SGCZ: variants seen among roughly 807,000 people sequenced by gnomAD.
SGCZ encodes sarcoglycan zeta.
Under a neutral mutation model 41.3 loss-of-function variants are expected in SGCZ, and 40 were observed. That is an observed-to-expected ratio of 0.97 (90% confidence interval 0.75 to 1.26). The LOEUF (loss-of-function observed/expected upper bound fraction) is 1.26. Ranked by LOEUF, SGCZ falls within the 50% of genes most tolerant of loss-of-function variation. The pLI is 0.00. For missense variants in SGCZ, 552 were observed against 369.8 expected (o/e 1.49, Z -4.04); for synonymous variants, 206 against 137.5 (o/e 1.50, Z -3.49).
At chr8:15,231,677 A>AGTG (rs2117208534) in intron 1 of SGCZ, among the ~76,000 whole-genome samples, 1 of 126,758 alleles carries the variant, frequency 7.9e-6, no homozygotes, top group Non-Finnish European at 1.5e-5. Context: ...GCTGGAGTCC[A>AGTG]GTGGCAAGAT....
intron 5 of SGCZ, among the ~76,000 whole-genome samples, chr8:14,150,827 G>C (rs1803683080): frequency 6.6e-6 from 1 of 152,086 alleles, no homozygotes; most frequent in Non-Finnish European, 1.5e-5. Context: ...ATACATAATG[G>C]AGTACTGTTT....
intron 2 of SGCZ, among the ~76,000 whole-genome samples, chr8:14,330,877 C>A (rs994561896): frequency 6.6e-6 from 1 of 151,798 alleles, no homozygotes; most frequent in Non-Finnish European, 1.5e-5. Context: ...TGATTTATCA[C>A]TAAAAAAGCT....
At chr8:14,663,907 G>C (rs1304700325) in intron 1 of SGCZ, among the ~76,000 whole-genome samples, 1 of 152,160 alleles carries the variant, frequency 6.6e-6, no homozygotes, top group Non-Finnish European at 1.5e-5. Context: ...CTTTCAGTGA[G>C]AGGAGGGAAG....
chr8:14,648,256 G>A (rs1466646036), intron 1 of SGCZ, among the ~76,000 whole-genome samples: 4 of 152,028 alleles, frequency 2.6e-5, no homozygotes, highest in Admixed American at 1.3e-4. Flanking sequence ...CGGTAACCAA[G>A]GTATCTCTGT....
At chr8:14,226,790 G>T (rs1286403894) in intron 4 of SGCZ, among the ~76,000 whole-genome samples, 3 of 152,084 alleles carry the variant, frequency 2.0e-5, no homozygotes. Flanking sequence ...TGTGTTTTTA[G>T]AAAGGTGTAA....
chr8:14,249,178 G>C (rs1799202777), intron 3 of SGCZ, among the ~76,000 whole-genome samples: 3 of 152,110 alleles, frequency 2.0e-5, no homozygotes, highest in Admixed American at 2.0e-4. Flanking sequence ...AGAATAACAA[G>C]GCAGAATACA....
intron 1 of SGCZ, among the ~76,000 whole-genome samples, chr8:15,012,581 A>ATG (rs1256371318): frequency 1.9e-5 from 2 of 107,582 alleles, no homozygotes; most frequent in Non-Finnish European, 4.3e-5. Flanking sequence ...ATATATTTAT[A>ATG]TAACATATAA....
chr8:14,847,934 G>C (rs1803191141), intron 1 of SGCZ, among the ~76,000 whole-genome samples: 1 of 151,894 alleles, frequency 6.6e-6, no homozygotes, highest in Non-Finnish European at 1.5e-5. Flanking sequence ...AAGGCATCCA[G>C]ATTGGAAAAC....
At chr8:15,063,565 T>G (rs1177971330) in intron 1 of SGCZ, among the ~76,000 whole-genome samples, 4 of 152,188 alleles carry the variant, frequency 2.6e-5, no homozygotes, top group Non-Finnish European at 5.9e-5. Context: ...AAAATCTCTT[T>G]CAAAGTGCAG....
rs564171758 is a variant in SGCZ at position 14,802,568 on chromosome 8, A to C, written c.40-247642T>G. ...TCATTTGCTGCCGCCTTTTTTATGA[A>C]TAAGATGGTCTGCATTTTACACACA... On this transcript the variant is annotated intron_variant, in intron 1 of 7. Coordinates refer to ENST00000382080, the MANE Select transcript of SGCZ (RefSeq NM_139167.4). 2.3e-3 allele frequency among the ~76,000 whole-genome samples: 351 copies of C among 152,322 alleles called. 3 individuals are homozygous for C. Among genetic ancestry groups the C allele is most frequent in the African/African-American group, 8.3e-3 (343 of 41,568 alleles).
chr8:15,036,938 A>G (rs1803895741), intron 1 of SGCZ, among the ~76,000 whole-genome samples: 1 of 152,210 alleles, frequency 6.6e-6, no homozygotes, highest in African/African-American at 2.4e-5. Context: ...ATGGAATAAT[A>G]TACGAAAATC....
intron 1 of SGCZ, among the ~76,000 whole-genome samples, chr8:14,826,278 G>C (rs972001217): frequency 6.6e-6 from 1 of 151,936 alleles, no homozygotes; most frequent in Non-Finnish European, 1.5e-5. Context: ...ATTTTTTATG[G>C]CTACATAGTA....
chr8:14,930,418 G>C (rs1181386818), intron 1 of SGCZ, among the ~76,000 whole-genome samples: 1 of 152,078 alleles, frequency 6.6e-6, no homozygotes, highest in African/African-American at 2.4e-5. Context: ...CATTGTGGAA[G>C]ACAGTGTGGA....
intron 1 of SGCZ, among the ~76,000 whole-genome samples, chr8:15,206,488 C>T (rs914120986): frequency 2.8e-5 from 4 of 144,756 alleles, no homozygotes; most frequent in Admixed American, 1.4e-4. Flanking sequence ...TCTCACTCTT[C>T]GACCCAGGCT....
At chr8:14,964,772 C>G (rs1423609207) in intron 1 of SGCZ, among the ~76,000 whole-genome samples, 2 of 152,156 alleles carry the variant, frequency 1.3e-5, no homozygotes, top group Admixed American at 1.3e-4. Context: ...CTACTAGGAG[C>G]TGTCAGTTTC....
chr8:14,441,669 G>T (rs889420764), intron 2 of SGCZ, among the ~76,000 whole-genome samples: 3 of 152,180 alleles, frequency 2.0e-5, no homozygotes, highest in Admixed American at 6.5e-5. Context: ...TATCTCAAGG[G>T]TTTGGCTTTG....
chr8:14,809,072 G>A (rs1459624525), intron 1 of SGCZ, among the ~76,000 whole-genome samples: 1 of 146,562 alleles, frequency 6.8e-6, no homozygotes, highest in African/African-American at 2.6e-5. Flanking sequence ...ACACTCTGGG[G>A]ACTGTTGTGG....
At chr8:14,770,598 A>G (rs1800204194) in intron 1 of SGCZ, among the ~76,000 whole-genome samples, 1 of 152,122 alleles carries the variant, frequency 6.6e-6, no homozygotes, top group South Asian at 2.1e-4. Context: ...TTATGTTCTC[A>G]CAATTTGTTT....
chr8:14,522,485 G>A (rs139295924), intron 2 of SGCZ, among the ~76,000 whole-genome samples: 36 of 151,846 alleles, frequency 2.4e-4, no homozygotes, highest in East Asian at 3.9e-4. Context: ...AAAATAATTC[G>A]TCTATTTCAA....
Sources: allele counts gnomAD v4.1 joint callset (sites outside exome capture counted in the v4.1 genomes callset), GRCh38; gene constraint gnomAD v4.1.1; transcripts MANE v1.5; gene names NCBI Gene and HGNC (gene_info 2026-07-23, HGNC 2026-07-21).